Variants in SPAG16 observed in about 807,000 individuals in gnomAD.
SPAG16 encodes the protein sperm associated antigen 16, also known as sperm-associated antigen 16 protein.
In SPAG16, 86 loss-of-function variants were observed where a neutral mutation model predicts 80.4. That is an observed-to-expected ratio of 1.07 (90% CI 0.90 to 1.28). The LOEUF (loss-of-function observed/expected upper bound fraction) is 1.28, where lower values mean the gene tolerates loss of function less well. SPAG16 is among the 50% of genes most tolerant of loss of function. The pLI is 0.00. For missense variants in SPAG16, 870 were observed against 765.3 expected (o/e 1.14, Z -1.61); for synonymous variants, 294 against 265.9 (o/e 1.11, Z -1.03).
chr2:213,974,913 G>C, intron 12 of SPAG16, among the ~76,000 whole-genome samples: 1 of 136,034 alleles, frequency 7.4e-6, no homozygotes, highest in Admixed American at 7.8e-5. Context: ...CTTTTTAACA[G>C]TTATCAAGAA....
intron 10 of SPAG16, among the ~76,000 whole-genome samples, chr2:213,622,193 T>C (rs956229239): frequency 8.5e-5 from 13 of 152,220 alleles, no homozygotes; most frequent in African/African-American, 3.1e-4. Context: ...ATTTTTATTT[T>C]ATAAACATAG....
chr2:214,383,626 T>C (rs1373171625), intron 15 of SPAG16, among the ~76,000 whole-genome samples: 1 of 146,682 alleles, frequency 6.8e-6, no homozygotes, highest in African/African-American at 2.5e-5. Context: ...TTGAAAGAAA[T>C]GTATTTAATG....
At chr2:213,622,633 C>T (rs2061828325) in intron 10 of SPAG16, among the ~76,000 whole-genome samples, 1 of 152,150 alleles carries the variant, frequency 6.6e-6, no homozygotes, top group African/African-American at 2.4e-5. Flanking sequence ...TTGCTTCCAA[C>T]CTGTGTTCAA....
intron 15 of SPAG16, among the ~76,000 whole-genome samples, chr2:214,211,403 G>A (rs1418154535): frequency 6.6e-6 from 1 of 152,174 alleles, no homozygotes; most frequent in Non-Finnish European, 1.5e-5. Context: ...CTGGCCTTGA[G>A]GATAATATTG....
chr2:214,079,369 A>T (rs2051248499), intron 13 of SPAG16, among the ~76,000 whole-genome samples: 1 of 152,204 alleles, frequency 6.6e-6, no homozygotes, highest in Non-Finnish European at 1.5e-5. Flanking sequence ...AGTAATTTTC[A>T]CAATCTGGTA....
intron 11 of SPAG16, among the ~76,000 whole-genome samples, chr2:213,905,124 C>T (rs1221284979): frequency 6.6e-6 from 1 of 152,020 alleles, no homozygotes; most frequent in Admixed American, 6.6e-5. Flanking sequence ...TTGTGATGAT[C>T]AAAAGACTCG....
intron 15 of SPAG16, among the ~76,000 whole-genome samples, chr2:214,323,148 G>GTAT (rs1270715655): frequency 6.6e-6 from 1 of 152,010 alleles, no homozygotes; most frequent in Non-Finnish European, 1.5e-5. Flanking sequence ...TGCGTATTTA[G>GTAT]TATTTGTCCT....
At chr2:213,457,623 A>T (rs2072103103) in intron 9 of SPAG16, among the ~76,000 whole-genome samples, 4 of 152,198 alleles carry the variant, frequency 2.6e-5, no homozygotes, top group Admixed American at 2.6e-4. Context: ...TTTGTGTATT[A>T]TTCAAGCCAG....
intron 9 of SPAG16, among the ~76,000 whole-genome samples, chr2:213,441,346 T>C (rs113549458): frequency 5.9e-5 from 9 of 152,298 alleles, no homozygotes; most frequent in African/African-American, 2.2e-4. Context: ...TGGAGCAAAA[T>C]GAATGTCTTC....
At chr2:213,914,439 A>G (rs1483865258) in intron 11 of SPAG16, among the ~76,000 whole-genome samples, 1 of 152,146 alleles carries the variant, frequency 6.6e-6, no homozygotes, top group Non-Finnish European at 1.5e-5. Context: ...ATTACTCTTC[A>G]AAGAACCATT....
chr2:213,727,115 A>G (rs1190187724), intron 10 of SPAG16, among the ~76,000 whole-genome samples: 1 of 152,212 alleles, frequency 6.6e-6, no homozygotes, highest in Non-Finnish European at 1.5e-5. Context: ...AATTTAAAGT[A>G]CATGTGTTTA....
chr2:214,362,687 C>T (rs1004653882), intron 15 of SPAG16, among the ~76,000 whole-genome samples: 1 of 151,790 alleles, frequency 6.6e-6, no homozygotes, highest in Non-Finnish European at 1.5e-5. Flanking sequence ...TACCTTATAT[C>T]AGTTCCTCTT....
intron 10 of SPAG16, among the ~76,000 whole-genome samples, chr2:213,758,405 A>T (rs879388367): frequency 8.5e-5 from 13 of 152,074 alleles, no homozygotes; most frequent in African/African-American, 3.1e-4. Context: ...GGGACTTTAA[A>T]ATAATTGTGT....
intron 10 of SPAG16, among the ~76,000 whole-genome samples, chr2:213,534,390 A>G (rs956173216): frequency 2.6e-5 from 4 of 152,144 alleles, no homozygotes; most frequent in Admixed American, 2.0e-4. Flanking sequence ...GCATAAGTAT[A>G]TACCCCAATA....
chr2:214,267,308 G>C (rs1217854686), intron 15 of SPAG16, among the ~76,000 whole-genome samples: 15 of 151,718 alleles, frequency 9.9e-5, no homozygotes, highest in Admixed American at 7.9e-4. Flanking sequence ...ATATTGACCA[G>C]TGGAATAGGA....
intron 15 of SPAG16, among the ~76,000 whole-genome samples, chr2:214,184,501 ATTTCT>A (rs2057408284): frequency 6.6e-6 from 1 of 152,074 alleles, no homozygotes; most frequent in Non-Finnish European, 1.5e-5. Flanking sequence ...AAAAAAAGAC[ATTTCT>A]TTTGTCACCC....
intron 10 of SPAG16, among the ~76,000 whole-genome samples, chr2:213,603,000 C>T (rs897782352): frequency 4.6e-5 from 7 of 152,116 alleles, no homozygotes; most frequent in South Asian, 2.1e-4. Flanking sequence ...CAGCTTTTTT[C>T]GCAATAACAA....
chr2:214,265,533 C>G (rs997610166), intron 15 of SPAG16, among the ~76,000 whole-genome samples: 1 of 151,952 alleles, frequency 6.6e-6, no homozygotes, highest in Non-Finnish European at 1.5e-5. Context: ...GTTTTGCAAA[C>G]ATTTTCTCCC....
At chr2:214,260,637 G>A (rs1173700626) in intron 15 of SPAG16, among the ~76,000 whole-genome samples, 1 of 152,058 alleles carries the variant, frequency 6.6e-6, no homozygotes, top group African/African-American at 2.4e-5. Flanking sequence ...GCTAACTCCT[G>A]GGATTCTCTT....
Sources: allele counts gnomAD v4.1 joint callset (sites outside exome capture counted in the v4.1 genomes callset), GRCh38; gene constraint gnomAD v4.1.1; transcripts MANE v1.5; gene names NCBI Gene and HGNC (gene_info 2026-07-23, HGNC 2026-07-21).